The following MAP3K19 variants were observed in gnomAD, a reference collection of about 807,000 sequenced individuals.
MAP3K19 encodes SPS1/STE20-related protein kinase YSK4.
MAP3K19 carries 91 observed loss-of-function variants against 114.4 expected under a neutral mutation model. The ratio of observed to expected loss-of-function variants is 0.80; its 90% CI spans 0.67 to 0.95. MAP3K19 has a LOEUF of 0.95. Ranked by LOEUF, MAP3K19 falls within the 40% of genes least tolerant of loss-of-function variation. MAP3K19 has a pLI of 0.00. For missense variants in MAP3K19, 1,471 were observed against 1,573.2 expected (o/e 0.94, Z 1.10); for synonymous variants, 518 against 530.5 (o/e 0.98, Z 0.32).
In MAP3K19 at chr2:135,024,694, A is replaced by C. The variant is rs769376865; in HGVS notation, c.-47T>G. ...TTTCTTTGAACTCTCTATTTGTGAC[A>C]CATAATGTATTGCTGATTTTCCACT... On this transcript the variant is annotated 5_prime_UTR_variant, in exon 4 of 13. Transcript: ENST00000392915. 5.8e-6 allele frequency: 9 copies of C among 1,562,724 alleles called. No individual in the cohort carries two copies. In the South Asian group the frequency reaches 1.0e-4, roughly 18 times the overall value.
intron 12 of MAP3K19, among the ~76,000 whole-genome samples, chr2:134,977,846 G>A (rs1010933593): frequency 2.0e-5 from 3 of 152,040 alleles, no homozygotes; most frequent in Non-Finnish European, 2.9e-5. Context: ...GGCTAAGCTC[G>A]GTGACTTCCC....
chr2:134,965,874 C>G (rs1683304077), intron 12 of MAP3K19, among the ~76,000 whole-genome samples: 1 of 152,180 alleles, frequency 6.6e-6, no homozygotes, highest in Non-Finnish European at 1.5e-5. Context: ...TTTTTATCCT[C>G]CCTGCCCCAC....
At chr2:134,980,714 T>C in intron 12 of MAP3K19, 107 bp downstream of exon 12, 1 of 1,023,808 alleles carries the variant, frequency 9.8e-7, no homozygotes, top group Non-Finnish European at 1.4e-6. Context: ...TCTACTTGAC[T>C]TCATAACCAA....
intron 12 of MAP3K19, among the ~76,000 whole-genome samples, chr2:134,966,255 T>G (rs963761842): frequency 1.3e-5 from 2 of 152,208 alleles, no homozygotes; most frequent in African/African-American, 4.8e-5. Context: ...AGTAGGAGGA[T>G]TGCTGGATCA....
At chr2:135,012,149 T>C (rs1280252351) in intron 5 of MAP3K19, among the ~76,000 whole-genome samples, 2 of 152,184 alleles carry the variant, frequency 1.3e-5, no homozygotes, top group Admixed American at 6.5e-5. Flanking sequence ...TCTCAGTCTC[T>C]GCACTGTTGA....
Position 134,983,764 on chromosome 2 carries a change from T to C in MAP3K19, c.3134A>G (p.Lys1045Arg). Residue 1045 changes from lysine to arginine, a missense_variant, in exon 11 of 13, where the codon AAG becomes AGG. Transcript: ENST00000392915. ...REEKFLISNEKKIFSENSLKS... is the reference protein window; with the variant it reads ...REEKFLISNERKIFSENSLKS... The stretch of plus-strand genomic sequence containing the variant: ...TAAACTATTTTCAGAAAATATCTTC[T>C]TTTCATTTGAGATGAGAAATTTCTC... 3.7e-6 allele frequency: 6 copies of C among 1,607,510 alleles called. No homozygotes were observed. The highest frequency in any genetic ancestry group is 4.2e-6 in the Non-Finnish European group (5 of 1,176,820).
At chr2:135,039,438 C>T (rs1388482113) in intron 2 of MAP3K19, among the ~76,000 whole-genome samples, 3 of 150,918 alleles carry the variant, frequency 2.0e-5, no homozygotes, top group South Asian at 2.1e-4. Context: ...AAAAATTAGC[C>T]GGGCATGGTG....
intron 3 of MAP3K19, among the ~76,000 whole-genome samples, chr2:135,028,124 G>A (rs1574049838): frequency 6.6e-6 from 1 of 152,214 alleles, no homozygotes; most frequent in African/African-American, 2.4e-5. Flanking sequence ...GCCCTCAGTT[G>A]TAAGGTGGAA....
intron 10 of MAP3K19, among the ~76,000 whole-genome samples, chr2:134,985,090 T>TTTA (rs1184513999): frequency 6.6e-6 from 1 of 152,258 alleles, no homozygotes; most frequent in African/African-American, 2.4e-5. Flanking sequence ...TGTACTTTAG[T>TTTA]GAAAACGATA....
intron 2 of MAP3K19, among the ~76,000 whole-genome samples, chr2:135,039,822 A>G (rs1688611596): frequency 6.6e-6 from 1 of 152,228 alleles, no homozygotes; most frequent in Non-Finnish European, 1.5e-5. Flanking sequence ...ACTGATGAAT[A>G]AGACCCAAAT....
chr2:134,975,452 C>T (rs185737736), intron 12 of MAP3K19, among the ~76,000 whole-genome samples: 129 of 152,258 alleles, frequency 8.5e-4, no homozygotes, highest in African/African-American at 3.0e-3. Context: ...ACCGGCAGGG[C>T]TGCTGGGCCA....
intron 3 of MAP3K19, among the ~76,000 whole-genome samples, chr2:135,027,132 C>T (rs749471351): frequency 2.0e-5 from 3 of 152,030 alleles, no homozygotes; most frequent in Admixed American, 1.3e-4. Flanking sequence ...GTAGTTCCAG[C>T]TACTCGAGAG....
chr2:134,980,421 A>G (rs1479815552), intron 12 of MAP3K19, among the ~76,000 whole-genome samples: 1 of 138,048 alleles, frequency 7.2e-6, no homozygotes, highest in East Asian at 2.7e-4. Context: ...GACGCTTGAA[A>G]TCTCCAATTT....
Position 134,986,533 on chromosome 2 carries a change from T to G in MAP3K19, c.2339A>C (p.Lys780Thr). ...KSSGNEFLSS[K>T]DEIHPMNLAQ... The stretch of plus-strand genomic sequence containing the variant: ...CAAGTTCATGGGATGAATTTCATCT[T>G]TGGAAGATAGAAACTCATTTCCTGA... Residue 780 changes from lysine (K) to threonine (T), a missense_variant, in exon 10 of 13, where the codon AAA becomes ACA. Lys to Thr is a moderately conservative substitution (Grantham distance 78). Coordinates refer to ENST00000392915, the MANE Select transcript of MAP3K19 (RefSeq NM_025052.5). 1.2e-6 allele frequency: 2 copies of G among 1,614,154 alleles called. No homozygotes were observed. The highest frequency in any genetic ancestry group is 1.7e-5 in the Admixed American group (1 of 60,018).
In MAP3K19 at chr2:135,044,128, G is replaced by A. The variant is rs1393886386; in HGVS notation, c.-424+3057C>T. Among the ~76,000 whole-genome samples the A allele has an allele frequency of 3.9e-5, 6 of 152,106 alleles. No individual in the cohort carries two copies. The South Asian group carries it at 1.0e-3, about 26-fold the overall frequency. ...CCAACATTTATTGAATGCTTGCTACGTGTCATATGCTTTTCTAAATGGTTT... is the reference window on the plus strand; with the variant it reads ...CCAACATTTATTGAATGCTTGCTACATGTCATATGCTTTTCTAAATGGTTT... On this transcript the variant is annotated intron_variant, in intron 1 of 12. Transcript: ENST00000392915.
rs1308705359 is a variant in MAP3K19 at position 134,980,942 on chromosome 2, G to T, written c.3799C>A (p.Leu1267Met). 6.2e-7 allele frequency: 1 copy of T among 1,614,166 alleles called. No individual in the cohort carries two copies. The highest frequency in any genetic ancestry group is 2.2e-5 in the East Asian group (1 of 44,884). The stretch of plus-strand genomic sequence containing the variant: ...GCGGCCATCCTGTCCATGGAAGCCA[G>T]TGGAGGCTTCCCTGTAGCCATCTCA... ...VFEMATGKPP[L>M]ASMDRMAAMF... is the part of the protein sequence containing the mutation. The change falls in exon 12 of 13, where the codon CTG (leucine) becomes ATG (methionine). Residue 1267 changes from leucine (L) to methionine (M), a missense_variant. Transcript: ENST00000392915.
At chr2:134,965,741 A>G (rs903370375) in intron 12 of MAP3K19, among the ~76,000 whole-genome samples, 1 of 152,162 alleles carries the variant, frequency 6.6e-6, no homozygotes, top group Non-Finnish European at 1.5e-5. Flanking sequence ...GGAACACTTC[A>G]AGTCCTCTCT....
At position 135,008,880 on chromosome 2, in the gene MAP3K19, G is replaced by A. The variant is rs933504729; in HGVS notation, c.139-3349C>T. Among the ~76,000 whole-genome samples the A allele has an allele frequency of 2.1e-4, 32 of 152,224 alleles. 1 individual carries two copies. The highest frequency in any genetic ancestry group is 4.4e-5 in the Non-Finnish European group (3 of 68,010). ...TGCAGCCTTGAACTCCTGGGCTCAG[G>A]TGATCCTCCCACCTCAGCCTCCTGA... On this transcript the variant is annotated intron_variant, in intron 5 of 12. Coordinates refer to ENST00000392915, the MANE Select transcript of MAP3K19 (RefSeq NM_025052.5).
chr2:135,046,878 TTAAAC>T (rs1395145748), intron 1 of MAP3K19, among the ~76,000 whole-genome samples: 4 of 152,224 alleles, frequency 2.6e-5, no homozygotes, highest in Non-Finnish European at 5.9e-5. Context: ...ATTTGGGTGA[TTAAAC>T]TAAAAGATTA....
Sources: gnomAD v4.1 joint callset for allele counts (sites outside exome capture counted in the v4.1 genomes callset) on GRCh38, gnomAD v4.1.1 for gene constraint, MANE v1.5 for transcripts, NCBI Gene and HGNC (gene_info 2026-07-23, HGNC 2026-07-21) for gene names.